The following N4BP2 variants were observed in gnomAD, a reference collection of about 807,000 sequenced individuals.
N4BP2 encodes the protein NEDD4 binding protein 2.
In N4BP2, 91 loss-of-function variants were observed where a neutral mutation model predicts 152.8. The observed-to-expected ratio is 0.60, with a 90% CI of 0.50 to 0.71. The LOEUF is 0.71. Among genes scored for constraint, N4BP2 ranks in the 30% least tolerant of loss-of-function variants. The probability of loss-of-function intolerance (pLI) is 0.00; values close to 1 mark genes in which losing one functional copy is unlikely to be tolerated. For synonymous variants in N4BP2, 646 were observed against 705.3 expected (o/e 0.92, Z 1.33); for missense variants, 1,923 against 2,059.1 (o/e 0.93, Z 1.28).
intron 13 of N4BP2, among the ~76,000 whole-genome samples, chr4:40,135,218 G>A (rs944424381): frequency 2.7e-5 from 4 of 150,696 alleles, no homozygotes; most frequent in Admixed American, 1.3e-4. Flanking sequence ...TTGTTCTTGC[G>A]ATAGTTTACT....
chr4:40,092,863 C>T (rs1385887636), intron 2 of N4BP2, among the ~76,000 whole-genome samples: 5 of 151,406 alleles, frequency 3.3e-5, no homozygotes, highest in African/African-American at 4.9e-5. Flanking sequence ...AGACTGGTCT[C>T]GAACTCCTGA....
In N4BP2 at chr4:40,142,765, TTTCCTTCACCAACA is replaced by T. The variant is rs1331266528; in HGVS notation, c.4879_4892del (p.Phe1627GlufsTer32). The T allele has an allele frequency of 6.2e-7, 1 of 1,614,138 alleles. No homozygotes were observed. Among genetic ancestry groups the T allele is most frequent in the East Asian group, 2.2e-5 (1 of 44,874 alleles). On this transcript the variant is annotated frameshift_variant, in exon 15 of 18. Transcript: ENST00000261435. LOFTEE classifies it high-confidence loss of function. ...ACTATGATGACTACAGAGCAGAGGC[TTTCCTTCACCAACA>T]GAAGAGGATGGAGTGCTACAGCAAG...
intron 7 of N4BP2, among the ~76,000 whole-genome samples, chr4:40,115,610 A>G (rs116253456): frequency 2.6e-5 from 4 of 152,246 alleles, no homozygotes; most frequent in Admixed American, 6.5e-5. Flanking sequence ...GATTAATTTC[A>G]TTCTTTAACT....
chr4:40,060,001 T>C (rs1733530675), intron 1 of N4BP2, among the ~76,000 whole-genome samples: 2 of 152,008 alleles, frequency 1.3e-5, no homozygotes, highest in South Asian at 4.1e-4. Context: ...ATTCTTTTTT[T>C]TTTTTCTTTT....
chr4:40,176,616 G>A, the N4BP2 span, among the ~76,000 whole-genome samples: 1 of 152,176 alleles, frequency 6.6e-6, no homozygotes, highest in Non-Finnish European at 1.5e-5. Context: ...GAGAAAACAC[G>A]AGAACAGTAA....
rs767123574 is a variant in N4BP2, at chr4:40,126,284, G to T, written c.4481G>T (p.Arg1494Ile). Reference sequence around the variant, plus strand: ...ACTCAAACTAAAAAAGTATCACTCAGAGAAATAATGTCAGAAGAAATTGCC... The same window carrying T: ...ACTCAAACTAAAAAAGTATCACTCATAGAAATAATGTCAGAAGAAATTGCC... ...WNTQTKKVSLREIMSEEIALQ... is the reference protein window; with the variant it reads ...WNTQTKKVSLIEIMSEEIALQ... The change falls in exon 12 of 18, where the codon AGA (arginine) becomes ATA (isoleucine). Residue 1494 changes from arginine to isoleucine, a missense_variant. Physicochemically the swap from Arg to Ile is moderately conservative, Grantham distance 97. Coordinates refer to ENST00000261435, the MANE Select transcript of N4BP2 (RefSeq NM_018177.6). 2 of 1,580,966 alleles carry T rather than the reference G, an allele frequency of 1.3e-6. No individual in the cohort carries two copies. The highest frequency in any genetic ancestry group is 2.3e-5 in the East Asian group (1 of 43,686).
At chr4:40,124,735 T>C (rs1368018706) in intron 11 of N4BP2, among the ~76,000 whole-genome samples, 1 of 152,178 alleles carries the variant, frequency 6.6e-6, no homozygotes, top group Non-Finnish European at 1.5e-5. Context: ...TATTGAACTT[T>C]CATGAGTGCT....
At chr4:40,130,808 CTG>C (rs1579100716) in intron 12 of N4BP2, among the ~76,000 whole-genome samples, 1 of 152,080 alleles carries the variant, frequency 6.6e-6, no homozygotes, top group East Asian at 1.9e-4. Flanking sequence ...GCCTTTGAAA[CTG>C]TATAGGAAGT....
In N4BP2 at chr4:40,120,122, A is replaced by T. The variant is rs1334878818; in HGVS notation, c.2011A>T (p.Ser671Cys). ...RRKEISDMNPSIQSALILETP... is the reference protein window; with the variant it reads ...RRKEISDMNPCIQSALILETP... ...AAAAGAAATAAGTGATATGAATCCTAGCATTCAAAGTGCTTTAATTCTGGA... is the reference window on the plus strand; with the variant it reads ...AAAAGAAATAAGTGATATGAATCCTTGCATTCAAAGTGCTTTAATTCTGGA... Residue 671 changes from serine to cysteine, a missense_variant, in exon 9 of 18, where the codon AGC (serine) becomes TGC (cysteine). Coordinates refer to ENST00000261435, the MANE Select transcript of N4BP2 (RefSeq NM_018177.6). 1.2e-6 allele frequency: 2 copies of T among 1,612,116 alleles called. No individual in the cohort carries two copies.
chr4:40,146,908 ATTTTTATT>A, intron 16 of N4BP2, among the ~76,000 whole-genome samples: 1 of 44,582 alleles, frequency 2.2e-5, no homozygotes, highest in East Asian at 4.8e-4. Flanking sequence ...TAATGTTTTT[ATTTTTATT>A]TTTTTATTTT....
At chr4:40,138,415 A>C (rs1247436980) in intron 14 of N4BP2, among the ~76,000 whole-genome samples, 4 of 152,170 alleles carry the variant, frequency 2.6e-5, no homozygotes, top group Non-Finnish European at 5.9e-5. Context: ...TGTGACACTG[A>C]AGCCTTTTAA....
intron 12 of N4BP2, among the ~76,000 whole-genome samples, chr4:40,129,775 A>G (rs2086735877): frequency 6.6e-6 from 1 of 152,152 alleles, no homozygotes; most frequent in African/African-American, 2.4e-5. Flanking sequence ...ACTCAGCCAG[A>G]TAATTTCCTG....
intron 16 of N4BP2, among the ~76,000 whole-genome samples, chr4:40,148,723 C>T (rs1178022331): frequency 2.0e-5 from 3 of 152,166 alleles, no homozygotes; most frequent in Non-Finnish European, 4.4e-5. Context: ...CTTCTGGGCT[C>T]AAGTGATCCT....
At chr4:40,147,405 CA>C (rs1720650361) in intron 16 of N4BP2, among the ~76,000 whole-genome samples, 1 of 152,178 alleles carries the variant, frequency 6.6e-6, no homozygotes, top group African/African-American at 2.4e-5. Context: ...GTCATCATGG[CA>C]CGTTCTCAAT....
the N4BP2 span, among the ~76,000 whole-genome samples, chr4:40,172,090 T>C: frequency 6.6e-6 from 1 of 152,148 alleles, no homozygotes. Flanking sequence ...GTATTTTTAG[T>C]AGAGATGGGG....
chr4:40,180,802 C>T, the N4BP2 span, among the ~76,000 whole-genome samples: 1 of 152,006 alleles, frequency 6.6e-6, no homozygotes, highest in Non-Finnish European at 1.5e-5. Context: ...TTGGTGAAAA[C>T]AAAACAAAAA....
intron 2 of N4BP2, among the ~76,000 whole-genome samples, chr4:40,082,604 G>A (rs1359462634): frequency 6.6e-6 from 1 of 152,098 alleles, no homozygotes; most frequent in Non-Finnish European, 1.5e-5. Flanking sequence ...ACCAGCGTGT[G>A]CAACAGAGTG....
chr4:40,066,015 C>T (rs1205800199), intron 1 of N4BP2, among the ~76,000 whole-genome samples: 1 of 151,944 alleles, frequency 6.6e-6, no homozygotes, highest in Non-Finnish European at 1.5e-5. Context: ...ACTGCAACCT[C>T]TGCCTCCTGG....
At chr4:40,097,830 C>A (rs188694813) in intron 3 of N4BP2, among the ~76,000 whole-genome samples, 1 of 152,304 alleles carries the variant, frequency 6.6e-6, no homozygotes, top group Admixed American at 6.5e-5. Context: ...TCTCTTTCAT[C>A]TTCACTCTAG....
Sources: gnomAD v4.1 joint callset for allele counts (sites outside exome capture counted in the v4.1 genomes callset) on GRCh38, gnomAD v4.1.1 for gene constraint, MANE v1.5 for transcripts, NCBI Gene and HGNC (gene_info 2026-07-23, HGNC 2026-07-21) for gene names.